The following DGKG variants were observed in gnomAD, a reference collection of about 807,000 sequenced individuals.
The protein encoded by DGKG is DAG kinase gamma.
A neutral mutation model predicts 105.3 loss-of-function variants in DGKG; 78 were observed. The ratio of observed to expected loss-of-function variants is 0.74; its 90% CI spans 0.62 to 0.89. The LOEUF (loss-of-function observed/expected upper bound fraction) is 0.89. Ranked by LOEUF, DGKG falls within the 40% of genes least tolerant of loss-of-function variation. The pLI, the probability that DGKG is intolerant of heterozygous loss-of-function variation, is 0.00. For missense variants in DGKG, 958 were observed against 1,020.1 expected (o/e 0.94, Z 0.83); for synonymous variants, 346 against 367.1 (o/e 0.94, Z 0.66).
At chr3:186,181,451 G>T (rs9851948) in intron 22 of DGKG, among the ~76,000 whole-genome samples, 107,421 of 152,156 alleles carry the variant, frequency 0.71, 38,297 homozygotes, top group East Asian at 0.93. Context: ...CTTCTCTAGT[G>T]GCTGGGTGTG....
intron 3 of DGKG, among the ~76,000 whole-genome samples, chr3:186,300,697 A>G (rs1393769627): frequency 1.3e-5 from 2 of 152,254 alleles, no homozygotes; most frequent in Non-Finnish European, 2.9e-5. Flanking sequence ...CATCAAATGA[A>G]AACTATCAGA....
intron 1 of DGKG, among the ~76,000 whole-genome samples, chr3:186,350,676 A>G (rs753185149): frequency 7.2e-5 from 11 of 152,222 alleles, no homozygotes; most frequent in Non-Finnish European, 1.3e-4. Flanking sequence ...GCTGTTTTCC[A>G]TAGTGGCTGT....
intron 20 of DGKG, among the ~76,000 whole-genome samples, chr3:186,213,787 G>A (rs1239522817): frequency 1.3e-5 from 2 of 152,216 alleles, no homozygotes; most frequent in African/African-American, 2.4e-5. Context: ...CAGATGGTCA[G>A]TGGACAGGAC....
chr3:186,268,232 A>G (rs147455434), intron 12 of DGKG, among the ~76,000 whole-genome samples: 11 of 152,288 alleles, frequency 7.2e-5, no homozygotes, highest in African/African-American at 2.6e-4. Context: ...TGAGGCTGAT[A>G]CCTGGGGAGA....
At chr3:186,187,521 T>G (rs1717701505) in intron 22 of DGKG, among the ~76,000 whole-genome samples, 1 of 152,058 alleles carries the variant, frequency 6.6e-6, no homozygotes, top group African/African-American at 2.4e-5. Context: ...CATACCAAGT[T>G]TGAGGTGTCT....
Position 186,253,064 on chromosome 3 carries a change from A to T in DGKG, c.1600+29T>A. ...TCTGTAAACAGGAACACCTGTTCCC[A>T]GGGTACCACCATTAGCATGCAAACT... On this transcript the variant is annotated intron_variant, in intron 18 of 24. Coordinates refer to ENST00000265022, the MANE Select transcript of DGKG (RefSeq NM_001346.3). The T allele has an allele frequency of 3.1e-6, 5 of 1,602,386 alleles. 1 individual carries two copies. Among genetic ancestry groups the T allele is most frequent in the Non-Finnish European group, 4.3e-6 (5 of 1,169,318 alleles).
rs1720153054 is a variant in DGKG at position 186,231,537 on chromosome 3, T to C, written c.1826+10967A>G. On this transcript the variant is annotated intron_variant, in intron 20 of 24. Transcript: ENST00000265022. The surrounding 1 kb of genome is among the most constrained non-coding windows in gnomAD (Gnocchi z 4.5). ...CTCAATAAATGATGGCTACTATTGT[T>C]GGTATGGGTTGGAGCAGGACTGATT... Among the ~76,000 whole-genome samples, 1 of 152,202 alleles carries C rather than the reference T, an allele frequency of 6.6e-6. No homozygotes were observed. The highest frequency in any genetic ancestry group is 1.5e-5 in the Non-Finnish European group (1 of 68,026).
At position 186,260,506 on chromosome 3, in the gene DGKG, G is replaced by A. The variant is rs373512874; in HGVS notation, c.1357C>T (p.Arg453Trp). ...SGGRQGERIL[R>W]KFHYLLNPKQ... ...GGGTTGAGCAGATAGTGGAATTTCC[G>A]AAGAATTCTATGGAAAAAAAAAGAA... Residue 453 changes from arginine (R) to tryptophan (W), a missense_variant, in exon 16 of 25, where the codon CGG becomes TGG. Transcript: ENST00000265022. 3.1e-5 allele frequency: 50 copies of A among 1,610,422 alleles called. 1 individual carries two copies. The highest frequency in any genetic ancestry group is 1.9e-4 in the African/African-American group (14 of 74,770).
In DGKG at chr3:186,347,196, C is replaced by CTA. The variant is rs572101351; in HGVS notation, c.-249+14749_-249+14750insTA. Among the ~76,000 whole-genome samples the CTA allele has an allele frequency of 3.4e-3, 512 of 152,198 alleles. 2 individuals are homozygous for CTA. Among genetic ancestry groups the CTA allele is most frequent in the Middle Eastern group, 0.014 (4 of 294 alleles). On this transcript the variant is annotated intron_variant, in intron 1 of 24. Transcript: ENST00000265022. ...AGGCGGGGCGGCTCACCCCCGTAAT[C>CTA]CTAGCACTTTGGGAGGCCGAGGCGG...
At chr3:186,311,353 C>T (rs1191433056) in intron 2 of DGKG, among the ~76,000 whole-genome samples, 1 of 152,164 alleles carries the variant, frequency 6.6e-6, no homozygotes, top group Non-Finnish European at 1.5e-5. Flanking sequence ...AATTGCTGTG[C>T]TTGGCAGACA....
intron 21 of DGKG, among the ~76,000 whole-genome samples, chr3:186,202,482 C>T (rs777092701): frequency 6.6e-6 from 1 of 152,224 alleles, no homozygotes; most frequent in Non-Finnish European, 1.5e-5. Flanking sequence ...TGTTTCTCTT[C>T]CCTGAGGTTC....
chr3:186,276,700 C>T (rs562210437), intron 9 of DGKG, among the ~76,000 whole-genome samples: 22 of 152,350 alleles, frequency 1.4e-4, no homozygotes, highest in African/African-American at 5.3e-4. Flanking sequence ...CAGGGGAACA[C>T]AGCACAGCTT....
chr3:186,232,718 T>C (rs1458991082), intron 20 of DGKG, among the ~76,000 whole-genome samples: 2 of 152,228 alleles, frequency 1.3e-5, no homozygotes, highest in Non-Finnish European at 2.9e-5. Flanking sequence ...ATAAATGTAT[T>C]GATATTTTAT....
chr3:186,184,726 C>T (rs559968303), intron 22 of DGKG, among the ~76,000 whole-genome samples: 31 of 152,166 alleles, frequency 2.0e-4, no homozygotes, highest in Admixed American at 2.0e-3. Flanking sequence ...AGCAACCCCT[C>T]CCATCATCAT....
intron 2 of DGKG, among the ~76,000 whole-genome samples, chr3:186,308,983 G>T (rs755077519): frequency 2.6e-5 from 4 of 152,210 alleles, no homozygotes; most frequent in Admixed American, 6.5e-5. Flanking sequence ...TCAAGAGCCA[G>T]GGTTGTAACT....
At chr3:186,254,773 C>A (rs1378150503) in intron 17 of DGKG, among the ~76,000 whole-genome samples, 2 of 152,174 alleles carry the variant, frequency 1.3e-5, no homozygotes, top group Non-Finnish European at 2.9e-5. Context: ...TAGTGTGTCA[C>A]CCACACTTTC....
At chr3:186,276,272 G>C (rs1171707767) in intron 9 of DGKG, among the ~76,000 whole-genome samples, 1 of 152,156 alleles carries the variant, frequency 6.6e-6, no homozygotes, top group Non-Finnish European at 1.5e-5. Context: ...AATGGCATGG[G>C]AATGTGCTCA....
intron 1 of DGKG, among the ~76,000 whole-genome samples, chr3:186,354,903 T>C (rs1045719939): frequency 3.9e-5 from 6 of 152,126 alleles, no homozygotes; most frequent in Admixed American, 6.5e-5. Context: ...TCCTTATTTC[T>C]CAGGATGAAG....
chr3:186,211,181 C>G (rs759672), intron 21 of DGKG, among the ~76,000 whole-genome samples: 152,164 of 152,342 alleles, frequency 1, 75,994 homozygotes, highest in Non-Finnish European at 1. Context: ...AAAATGCCAG[C>G]TTCTTTGTTA....
Sources: gnomAD v4.1 joint callset for allele counts (sites outside exome capture counted in the v4.1 genomes callset) on GRCh38, gnomAD v4.1.1 for gene constraint, Gnocchi (gnomAD v3.1) non-coding constraint, MANE v1.5 for transcripts, NCBI Gene and HGNC (gene_info 2026-07-23, HGNC 2026-07-21) for gene names.